The following CTNNA3 variants were observed in gnomAD, a reference collection of about 807,000 sequenced individuals.
CTNNA3 encodes the protein catenin alpha 3.
Under a neutral mutation model 95.7 loss-of-function variants are expected in CTNNA3, and 76 were observed. The ratio of observed to expected loss-of-function variants is 0.79; its 90% CI spans 0.66 to 0.96. The LOEUF is 0.96. Among genes scored for constraint, CTNNA3 ranks in the 40% least tolerant of loss-of-function variants. The pLI is 0.00. For synonymous variants in CTNNA3, 431 were observed against 374.4 expected (o/e 1.15, Z -1.74); for missense variants, 1,191 against 1,089.8 (o/e 1.09, Z -1.31).
chr10:67,693,317 C>G (rs12413690), intron 1 of CTNNA3, among the ~76,000 whole-genome samples: 35,779 of 151,978 alleles, frequency 0.24, 5,008 homozygotes, highest in East Asian at 0.51. Context: ...GCTGTACCAT[C>G]TCACTTAAAA....
chr10:66,895,057 A>AG (rs1845425682), intron 7 of CTNNA3, among the ~76,000 whole-genome samples: 1 of 148,408 alleles, frequency 6.7e-6, no homozygotes, highest in South Asian at 2.1e-4. Context: ...AAATAAACAA[A>AG]AAAAAAAAAA....
chr10:67,401,217 G>A (rs1844908139), intron 5 of CTNNA3, among the ~76,000 whole-genome samples: 3 of 152,050 alleles, frequency 2.0e-5, no homozygotes, highest in Admixed American at 6.6e-5. Flanking sequence ...TTGAACTCCT[G>A]AGCCTCCAGA....
intron 12 of CTNNA3, among the ~76,000 whole-genome samples, chr10:66,296,236 T>C (rs893045441): frequency 1.3e-5 from 2 of 152,142 alleles, no homozygotes; most frequent in Non-Finnish European, 2.9e-5. Context: ...GGCAAGTAGA[T>C]GAAATTGCCC....
chr10:66,700,632 T>C (rs1847913461), intron 9 of CTNNA3, among the ~76,000 whole-genome samples: 1 of 152,194 alleles, frequency 6.6e-6, no homozygotes, highest in African/African-American at 2.4e-5. Flanking sequence ...TAATTCCACA[T>C]TAATTTTAGA....
intron 11 of CTNNA3, among the ~76,000 whole-genome samples, chr10:66,443,600 T>A (rs1015874245): frequency 2.6e-5 from 4 of 152,122 alleles, no homozygotes; most frequent in African/African-American, 9.7e-5. Context: ...CCAACAAACC[T>A]GCATCTGAGG....
chr10:66,493,903 C>CTTTTTT (rs1181967222), intron 11 of CTNNA3, among the ~76,000 whole-genome samples: 3 of 98,142 alleles, frequency 3.1e-5, no homozygotes, highest in African/African-American at 5.3e-5. Context: ...CTGCGCCGGC[C>CTTTTTT]TTTTTTTTTT....
At chr10:66,797,197 C>T (rs899288741) in intron 7 of CTNNA3, among the ~76,000 whole-genome samples, 12 of 151,726 alleles carry the variant, frequency 7.9e-5, no homozygotes, top group African/African-American at 2.9e-4. Context: ...TCAGTCCCAA[C>T]TAAAGGTCTA....
chr10:67,739,191 AG>A (rs1381971006), intron 1 of CTNNA3, among the ~76,000 whole-genome samples: 6 of 152,226 alleles, frequency 3.9e-5, no homozygotes, highest in Non-Finnish European at 5.9e-5. Context: ...GCAGCCAGAG[AG>A]AAAGGTTGGG....
intron 12 of CTNNA3, among the ~76,000 whole-genome samples, chr10:66,332,651 G>A (rs778608397): frequency 6.6e-6 from 1 of 151,934 alleles, no homozygotes; most frequent in Admixed American, 6.6e-5. Context: ...GAGAATTTTT[G>A]CATCGATGTT....
chr10:67,356,872 A>C (rs1450206894), intron 5 of CTNNA3, among the ~76,000 whole-genome samples: 3 of 151,992 alleles, frequency 2.0e-5, no homozygotes, highest in Non-Finnish European at 4.4e-5. Context: ...GAACCCAAAT[A>C]TCTAAACATG....
intron 7 of CTNNA3, among the ~76,000 whole-genome samples, chr10:67,131,795 T>G (rs1446297602): frequency 6.6e-6 from 1 of 152,040 alleles, no homozygotes; most frequent in Non-Finnish European, 1.5e-5. Context: ...TGAAATTATG[T>G]GTGGCTGGGA....
At chr10:67,305,009 G>T (rs1840480487) in intron 5 of CTNNA3, among the ~76,000 whole-genome samples, 1 of 152,144 alleles carries the variant, frequency 6.6e-6, no homozygotes, top group Non-Finnish European at 1.5e-5. Context: ...GGGTGCGGTG[G>T]CTCATGCCTG....
intron 10 of CTNNA3, among the ~76,000 whole-genome samples, chr10:66,581,685 G>T (rs547098326): frequency 6.6e-6 from 1 of 151,622 alleles, no homozygotes; most frequent in African/African-American, 2.4e-5. Flanking sequence ...TGTTGGATTT[G>T]CTTTTAGGGG....
intron 9 of CTNNA3, among the ~76,000 whole-genome samples, chr10:66,642,650 T>A (rs1014246716): frequency 7.2e-5 from 11 of 151,900 alleles, no homozygotes; most frequent in Middle Eastern, 3.2e-3. Flanking sequence ...TTTTCAAAAA[T>A]ATATATATAT....
At chr10:66,644,325 A>T (rs934550060) in intron 9 of CTNNA3, among the ~76,000 whole-genome samples, 26 of 147,288 alleles carry the variant, frequency 1.8e-4, no homozygotes, top group Non-Finnish European at 4.5e-5. Flanking sequence ...TATATATATA[A>T]AATAATACTT....
intron 9 of CTNNA3, among the ~76,000 whole-genome samples, chr10:66,650,025 C>T (rs7084282): frequency 0.66 from 100,413 of 152,144 alleles, 34,053 homozygotes; most frequent in East Asian, 0.95. Flanking sequence ...AAATATCCCA[C>T]TTTCAGCAAT....
intron 5 of CTNNA3, among the ~76,000 whole-genome samples, chr10:67,223,117 C>T (rs989784512): frequency 3.9e-5 from 6 of 152,126 alleles, no homozygotes; most frequent in Admixed American, 6.6e-5. Flanking sequence ...ACAAATATAA[C>T]GTTACAGCAG....
chr10:66,878,381 C>T (rs553638523), intron 7 of CTNNA3, among the ~76,000 whole-genome samples: 11 of 152,216 alleles, frequency 7.2e-5, no homozygotes, highest in African/African-American at 1.7e-4. Context: ...CAGAGCAGTG[C>T]ATACAATTTC....
In CTNNA3 at chr10:67,035,775, T is replaced by C. The variant is rs965368449; in HGVS notation, c.1047+144542A>G. On this transcript the variant is annotated intron_variant, in intron 7 of 17. Coordinates refer to ENST00000433211, the MANE Select transcript of CTNNA3 (RefSeq NM_013266.4). The stretch of plus-strand genomic sequence containing the variant: ...GTATTGAGCTTTAATGTTATTCTTA[T>C]AGCTTTTATCAACATTTGCTTTAAA... Among the ~76,000 whole-genome samples the C allele has an allele frequency of 3.9e-5, 5 of 127,606 alleles. No homozygotes were observed. In the East Asian group the frequency reaches 9.3e-4, roughly 24 times the overall value. 83.7% of individuals were successfully genotyped at this position (127,606 alleles called of 152,430 possible).
Sources: gnomAD v4.1 joint callset for allele counts (sites outside exome capture counted in the v4.1 genomes callset) on GRCh38, gnomAD v4.1.1 for gene constraint, MANE v1.5 for transcripts, NCBI Gene and HGNC (gene_info 2026-07-23, HGNC 2026-07-21) for gene names.